GSAP: variants seen among roughly 807,000 people sequenced by gnomAD.
GSAP encodes gamma-secretase-activating protein.
A neutral mutation model predicts 131.7 loss-of-function variants in GSAP; 118 were observed. That is an observed-to-expected ratio of 0.90 (90% confidence interval 0.77 to 1.04). The LOEUF is 1.04. Among genes scored for constraint, GSAP ranks in the 50% least tolerant of loss-of-function variants. The probability of loss-of-function intolerance (pLI) is 0.00; values close to 1 mark genes in which losing one functional copy is unlikely to be tolerated. For missense variants in GSAP, 1,019 were observed against 1,013.2 expected (o/e 1.01, Z -0.08); for synonymous variants, 381 against 363.4 (o/e 1.05, Z -0.55).
intron 18 of GSAP, among the ~76,000 whole-genome samples, chr7:77,350,427 T>TAA (rs751767423): frequency 7.5e-6 from 1 of 133,646 alleles, no homozygotes; most frequent in Non-Finnish European, 1.6e-5. Context: ...GTATAATAAT[T>TAA]AAAAAAAAAA....
At chr7:77,385,225 GGTTTTGCCAC>G (rs1327139505) in intron 6 of GSAP, among the ~76,000 whole-genome samples, 1 of 151,892 alleles carries the variant, frequency 6.6e-6, no homozygotes, top group Non-Finnish European at 1.5e-5. Context: ...GTAGAGATGG[GGTTTTGCCAC>G]GTTGGCCAGG....
chr7:77,397,441 T>C lies in GSAP; in HGVS notation c.244-26A>G, dbSNP rs142213123. The C allele has an allele frequency of 2.1e-4, 270 of 1,314,966 alleles. 5 individuals are homozygous for C. The East Asian group carries it at 3.6e-3, about 18-fold the overall frequency. 81.5% of individuals were successfully genotyped at this position (1,314,966 alleles called of 1,614,324 possible). On this transcript the variant is annotated intron_variant, in intron 3 of 30. Transcript: ENST00000257626. ...CTATTAAAACAAAAATATTTTTTAATTTGAAGTTTCATACATTAAATAACA... is the reference window on the plus strand; with the variant it reads ...CTATTAAAACAAAAATATTTTTTAACTTGAAGTTTCATACATTAAATAACA...
chr7:77,346,717 G>GA (rs77762551), intron 19 of GSAP, among the ~76,000 whole-genome samples: 51 of 140,074 alleles, frequency 3.6e-4, no homozygotes, highest in Admixed American at 5.6e-4. Context: ...CTCAAAAAAA[G>GA]AAAAAAAAAA....
intron 12 of GSAP, among the ~76,000 whole-genome samples, chr7:77,367,901 G>A (rs1204358416): frequency 1.3e-5 from 2 of 152,166 alleles, no homozygotes; most frequent in Non-Finnish European, 2.9e-5. Context: ...TCTGTTCAGG[G>A]AATCAATTTC....
chr7:77,350,576 A>C (rs2150835415), intron 18 of GSAP, among the ~76,000 whole-genome samples: 1 of 149,662 alleles, frequency 6.7e-6, no homozygotes, highest in South Asian at 2.1e-4. Context: ...CTCTACTAAA[A>C]AAAAAAAAAA....
chr7:77,411,970 A>G (rs58792435), intron 1 of GSAP, among the ~76,000 whole-genome samples: 5,119 of 152,244 alleles, frequency 0.034, 295 homozygotes, highest in African/African-American at 0.12. Flanking sequence ...CCTGAGGTCA[A>G]GAGTTCAATA....
At chr7:77,372,044 CACA>C (rs1438721675) in intron 12 of GSAP, among the ~76,000 whole-genome samples, 1 of 152,216 alleles carries the variant, frequency 6.6e-6, no homozygotes, top group Admixed American at 6.5e-5. Flanking sequence ...AAATGAAGTT[CACA>C]ACATCACCTG....
chr7:77,408,278 C>A (rs1394712181), intron 1 of GSAP, among the ~76,000 whole-genome samples: 1 of 152,202 alleles, frequency 6.6e-6, no homozygotes, highest in Non-Finnish European at 1.5e-5. Flanking sequence ...AACTGACCAT[C>A]TTTCTTCTAA....
Position 77,321,781 on chromosome 7 carries a change from C to G in GSAP, c.1924-378G>C, listed in dbSNP as rs536446652. 2.0e-5 allele frequency among the ~76,000 whole-genome samples: 3 copies of G among 152,290 alleles called. 1 individual carries two copies. In the East Asian group the frequency reaches 5.8e-4, roughly 29 times the overall value. On this transcript the variant is annotated intron_variant, in intron 24 of 30. Transcript: ENST00000257626. ...CAGTGGACAGTCAGAAGAAAAGAGACACAGAATGGAGGTCATGATCATGAG... is the reference window on the plus strand; with the variant it reads ...CAGTGGACAGTCAGAAGAAAAGAGAGACAGAATGGAGGTCATGATCATGAG...
intron 5 of GSAP, among the ~76,000 whole-genome samples, chr7:77,393,613 T>C (rs1026139522): frequency 2.0e-5 from 3 of 152,006 alleles, no homozygotes; most frequent in Admixed American, 6.6e-5. Flanking sequence ...ACTTGTCTCT[T>C]TTTCTTATGT....
In GSAP at chr7:77,387,366, C is replaced by A; in HGVS notation, c.450G>T (p.Trp150Cys). The change falls in exon 6 of 31, where the codon TGG becomes TGT. Residue 150 changes from tryptophan (W) to cysteine (C), a missense_variant. Physicochemically the swap from Trp to Cys is radical, Grantham distance 215 (BLOSUM62 -2). Transcript: ENST00000257626. ...AAATGGCATGCTTACTTACCTGAACCCAAATATAGCTATCCACAGCCTTTA... is the reference window on the plus strand; with the variant it reads ...AAATGGCATGCTTACTTACCTGAACACAAATATAGCTATCCACAGCCTTTA... ...KVLKAVDSYI[W>C]VQFLYPHIES... is the part of the protein sequence containing the mutation. 2 of 1,545,680 alleles carry A rather than the reference C, an allele frequency of 1.3e-6. No homozygotes were observed. The highest frequency in any genetic ancestry group is 1.8e-6 in the Non-Finnish European group (2 of 1,117,904).
At chr7:77,332,634 A>C (rs1441968565) in intron 19 of GSAP, among the ~76,000 whole-genome samples, 2 of 152,312 alleles carry the variant, frequency 1.3e-5, no homozygotes, top group African/African-American at 2.4e-5. Flanking sequence ...AATAGACTAG[A>C]GTTAGAAGGA....
chr7:77,326,169 GTTCC>G (rs766822544), intron 23 of GSAP, 39 bp downstream of exon 23: 1 of 1,301,034 alleles, frequency 7.7e-7, no homozygotes, highest in African/African-American at 1.5e-5. Flanking sequence ...TTGTCTTAGG[GTTCC>G]TTGTTTGCCA....
Position 77,361,968 on chromosome 7 carries a change from C to T in GSAP, c.949+615G>A, listed in dbSNP as rs967628595. Among the ~76,000 whole-genome samples the T allele has an allele frequency of 6.6e-5, 10 of 152,172 alleles. No homozygotes were observed. In the East Asian group the frequency reaches 1.7e-3, roughly 26 times the overall value. ...ACTCTGTAAGTTAAATCTATAGATA[C>T]TTTCCAAATAGCGATAACTAAAAAG... On this transcript the variant is annotated intron_variant, in intron 13 of 30. Transcript: ENST00000257626.
intron 26 of GSAP, among the ~76,000 whole-genome samples, chr7:77,318,101 A>AATAT (rs1348212454): frequency 6.6e-6 from 1 of 152,246 alleles, no homozygotes; most frequent in African/African-American, 2.4e-5. Flanking sequence ...ATTCAACTGG[A>AATAT]ATATAAAATT....
chr7:77,343,594 C>T (rs952974921), intron 19 of GSAP, among the ~76,000 whole-genome samples: 7 of 152,144 alleles, frequency 4.6e-5, no homozygotes, highest in Admixed American at 1.3e-4. Flanking sequence ...CTCAAGGCAA[C>T]GCTTATGCTG....
chr7:77,314,492 A>G lies in GSAP; in HGVS notation c.2090-3T>C, dbSNP rs752390237. ...GATGGTGTGCAGAGTATGAAAACCTAGGATGAGAGATCTGGAGGGTAAACA... is the reference window on the plus strand; with the variant it reads ...GATGGTGTGCAGAGTATGAAAACCTGGGATGAGAGATCTGGAGGGTAAACA... On this transcript the variant is annotated splice_polypyrimidine_tract_variant and splice_region_variant and intron_variant, in intron 26 of 30. Transcript: ENST00000257626. The G allele has an allele frequency of 6.2e-7, 1 of 1,613,560 alleles. No individual in the cohort carries two copies. The highest frequency in any genetic ancestry group is 1.1e-5 in the South Asian group (1 of 91,080).
chr7:77,353,531 GTCAAGTAT>G, intron 17 of GSAP, 33 bp downstream of exon 17: 1 of 1,353,628 alleles, frequency 7.4e-7, no homozygotes, highest in Non-Finnish European at 1.1e-6. Flanking sequence ...AAGCAAAAAG[GTCAAGTAT>G]TCAACTTAAG....
intron 26 of GSAP, among the ~76,000 whole-genome samples, chr7:77,316,528 T>G (rs911106061): frequency 2.0e-5 from 3 of 152,220 alleles, no homozygotes; most frequent in African/African-American, 7.2e-5. Context: ...ACTATTTTAC[T>G]AGTTAATTAA....
Sources: gnomAD v4.1 joint callset for allele counts (sites outside exome capture counted in the v4.1 genomes callset) on GRCh38, gnomAD v4.1.1 for gene constraint, MANE v1.5 for transcripts, NCBI Gene and HGNC (gene_info 2026-07-23, HGNC 2026-07-21) for gene names.